EFCAB14: variants seen among roughly 807,000 people sequenced by gnomAD.
EFCAB14 encodes the protein EF-hand calcium-binding domain-containing protein 14.
A neutral mutation model predicts 56.5 loss-of-function variants in EFCAB14; 43 were observed. The observed-to-expected ratio is 0.76, with a 90% confidence interval of 0.60 to 0.98. The LOEUF (loss-of-function observed/expected upper bound fraction) is 0.98. Among genes scored for constraint, EFCAB14 ranks in the 50% least tolerant of loss-of-function variants. EFCAB14 has a pLI of 0.00. For synonymous variants in EFCAB14, 235 were observed against 212.9 expected (o/e 1.10, Z -0.90); for missense variants, 538 against 580.3 (o/e 0.93, Z 0.75).
intron 8 of EFCAB14, chr1:46,685,140 C>T (rs763291285): frequency 1.3e-5 from 2 of 152,390 alleles, no homozygotes; most frequent in African/African-American, 4.8e-5. Flanking sequence ...CAACTGGTGG[C>T]AGAAACTGTT....
chr1:46,702,986 A>G (rs1677181938), intron 3 of EFCAB14, among the ~76,000 whole-genome samples: 1 of 152,234 alleles, frequency 6.6e-6, no homozygotes, highest in African/African-American at 2.4e-5. Context: ...TTGCACATAT[A>G]GTCAATTCTC....
chr1:46,678,668 G>A lies in EFCAB14; in HGVS notation c.1313-32C>T, dbSNP rs1306808190. On this transcript the variant is annotated intron_variant, in intron 10 of 10. Transcript: ENST00000371933. Reference sequence around the variant, plus strand: ...AAAATGAATTACAAAAAATGTATACGTCTAAACATACAGCTAAATTTAGTT... The same window carrying A: ...AAAATGAATTACAAAAAATGTATACATCTAAACATACAGCTAAATTTAGTT... 3.2e-6 allele frequency: 5 copies of A among 1,568,450 alleles called. 1 individual carries two copies. In the South Asian group the frequency reaches 3.5e-5, roughly 11 times the overall value.
At chr1:46,713,265 T>G (rs150344849) in intron 2 of EFCAB14, among the ~76,000 whole-genome samples, 3 of 152,134 alleles carry the variant, frequency 2.0e-5, no homozygotes, top group African/African-American at 7.2e-5. Flanking sequence ...ATTTCTATTG[T>G]AGCGAATCAA....
At chr1:46,712,152 CTAG>C (rs1677318769) in intron 2 of EFCAB14, among the ~76,000 whole-genome samples, 1 of 152,196 alleles carries the variant, frequency 6.6e-6, no homozygotes, top group Non-Finnish European at 1.5e-5. Flanking sequence ...AGTACTTTTT[CTAG>C]TATACTTTAG....
At chr1:46,690,242 A>C (rs1676969385) in intron 5 of EFCAB14, among the ~76,000 whole-genome samples, 1 of 152,092 alleles carries the variant, frequency 6.6e-6, no homozygotes, top group South Asian at 2.1e-4. Flanking sequence ...TTCCCTTCCC[A>C]CTGCTCAAGT....
intron 2 of EFCAB14, among the ~76,000 whole-genome samples, chr1:46,713,399 A>G (rs138053682): frequency 6.6e-6 from 1 of 152,310 alleles, no homozygotes; most frequent in East Asian, 1.9e-4. Flanking sequence ...TCCAGGGTAT[A>G]ATTCTTGACA....
intron 2 of EFCAB14, among the ~76,000 whole-genome samples, chr1:46,711,622 T>G: frequency 6.6e-6 from 1 of 152,208 alleles, no homozygotes; most frequent in East Asian, 1.9e-4. Flanking sequence ...AACTTCTGAT[T>G]ACTAATTCAT....
At position 46,707,947 on chromosome 1, in the gene EFCAB14, A is replaced by G; in HGVS notation, c.439T>C (p.Leu147=). ...LEKIESGEMG[L]NKVWINITEM... ...GTGATGTTTATCCAGACTTTGTTCA[A>G]ACCCATCTCTCCAGATTCAATCTTC... Residue 147 remains leucine (L), a synonymous_variant, in exon 3 of 11, where the codon TTG becomes CTG. Coordinates refer to ENST00000371933, the MANE Select transcript of EFCAB14 (RefSeq NM_014774.3). The G allele has an allele frequency of 6.2e-7, 1 of 1,612,008 alleles. No homozygotes were observed. Among genetic ancestry groups the G allele is most frequent in the South Asian group, 1.1e-5 (1 of 91,014 alleles).
At chr1:46,686,335 T>A (rs114426018) in intron 8 of EFCAB14, among the ~76,000 whole-genome samples, 2,124 of 152,316 alleles carry the variant, frequency 0.014, 57 homozygotes, top group African/African-American at 0.048. Context: ...AGACACCATT[T>A]TTAGATTATC....
At position 46,717,947 on chromosome 1, in the gene EFCAB14, C is replaced by T; in HGVS notation, c.141G>A (p.Glu47=). 2 of 1,614,160 alleles carry T rather than the reference C, an allele frequency of 1.2e-6. No individual in the cohort carries two copies. The highest frequency in any genetic ancestry group is 1.7e-6 in the Non-Finnish European group (2 of 1,180,010). Residue 47 remains glutamate (E), a synonymous_variant, in exon 1 of 11, where the codon GAG becomes GAA. Coordinates refer to ENST00000371933, the MANE Select transcript of EFCAB14 (RefSeq NM_014774.3). ...TTCCAACCACACCGAATTCCTCTTCCTCTTCGGAGCTGGACTCAGAGTCTG... is the reference window on the plus strand; with the variant it reads ...TTCCAACCACACCGAATTCCTCTTCTTCTTCGGAGCTGGACTCAGAGTCTG... The part of the protein sequence containing the change: ...PDSDSESSSE[E]EEEFGVVGNR...
In EFCAB14 at chr1:46,678,550, T is replaced by C. The variant is rs1477094184; in HGVS notation, c.1399A>G (p.Met467Val). ...GCTCTCAAGCTCTCTGGTTCTGGCA[T>C]AGCAGAACCTAGGGAGGTCCAGATT... ...QEIWTSLGSA[M>V]PEPESLRAFD... Residue 467 changes from methionine (M) to valine (V), a missense_variant, in exon 11 of 11, where the codon ATG becomes GTG. Coordinates refer to ENST00000371933, the MANE Select transcript of EFCAB14 (RefSeq NM_014774.3). The C allele has an allele frequency of 3.7e-6, 6 of 1,614,168 alleles. No homozygotes were observed. Among genetic ancestry groups the C allele is most frequent in the South Asian group, 1.1e-5 (1 of 91,088 alleles).
chr1:46,691,887 T>C lies in EFCAB14; in HGVS notation c.630A>G (p.Glu210=). The change falls in exon 5 of 11, where the codon GAA becomes GAG. Residue 210 remains glutamate, a synonymous_variant. Coordinates refer to ENST00000371933, the MANE Select transcript of EFCAB14 (RefSeq NM_014774.3). The stretch of plus-strand genomic sequence containing the variant: ...GTTCATCCACAGTTTTCTGTAGTGC[T>C]TCCACAGCAAGATGGACGCTGTTTA... ...NTLNSVHLAV[E]ALQKTVDEHK... 6.2e-7 allele frequency: 1 copy of C among 1,613,598 alleles called. No homozygotes were observed. The highest frequency in any genetic ancestry group is 8.5e-7 in the Non-Finnish European group (1 of 1,179,718).
chr1:46,698,389 TGTG>T (rs1677106399), intron 3 of EFCAB14, among the ~76,000 whole-genome samples: 1 of 152,112 alleles, frequency 6.6e-6, no homozygotes, highest in Admixed American at 6.6e-5. Context: ...TCAGGGATCC[TGTG>T]GTGTTTACAT....
At chr1:46,714,843 A>T (rs1677363882) in intron 2 of EFCAB14, among the ~76,000 whole-genome samples, 8 of 152,044 alleles carry the variant, frequency 5.3e-5, no homozygotes, top group Admixed American at 5.2e-4. Flanking sequence ...ATGAAAAAGT[A>T]ATTTGGATGT....
rs188752881 is a variant in EFCAB14 at position 46,691,590 on chromosome 1, G to A, written c.690+237C>T. ...TCTGTCCTACCCATTCCATCCTCAGGAACTGTGTCTTATTACCTTACCTCC... is the reference window on the plus strand; with the variant it reads ...TCTGTCCTACCCATTCCATCCTCAGAAACTGTGTCTTATTACCTTACCTCC... On this transcript the variant is annotated intron_variant, in intron 5 of 10. Transcript: ENST00000371933. 9.2e-5 allele frequency among the ~76,000 whole-genome samples: 14 copies of A among 152,114 alleles called. No homozygotes were observed. In the East Asian group the frequency reaches 2.7e-3, roughly 29 times the overall value.
In EFCAB14 at chr1:46,689,722, A is replaced by G. The variant is rs1278197653; in HGVS notation, c.691-31T>C. 3 of 1,585,564 alleles carry G rather than the reference A, an allele frequency of 1.9e-6. No individual in the cohort carries two copies. In the South Asian group the frequency reaches 3.3e-5, roughly 18 times the overall value. ...AAGAGGAAAGAAGTTTAGTGTAGGC[A>G]ACAAGGAATTATTAGGTCTACTTAA... On this transcript the variant is annotated intron_variant, in intron 5 of 10. Transcript: ENST00000371933.
At chr1:46,712,657 C>T (rs1245402746) in intron 2 of EFCAB14, among the ~76,000 whole-genome samples, 2 of 152,106 alleles carry the variant, frequency 1.3e-5, no homozygotes, top group East Asian at 3.9e-4. Flanking sequence ...GTGGTCTTAT[C>T]CAAGTTCGTG....
At chr1:46,684,109 G>T in intron 9 of EFCAB14, 1 of 174,608 alleles carries the variant, frequency 5.7e-6, no homozygotes, top group Non-Finnish European at 1.2e-5. Context: ...TTTTGTTAAC[G>T]ATTTTCAGAA....
At chr1:46,695,194 C>A (rs1677060761) in intron 4 of EFCAB14, among the ~76,000 whole-genome samples, 1 of 152,162 alleles carries the variant, frequency 6.6e-6, no homozygotes, top group South Asian at 2.1e-4. Context: ...ACGTTGTGCA[C>A]ATGTACCCTA....
Sources: allele counts gnomAD v4.1 joint callset (sites outside exome capture counted in the v4.1 genomes callset), GRCh38; gene constraint gnomAD v4.1.1; transcripts MANE v1.5; gene names NCBI Gene and HGNC (gene_info 2026-07-23, HGNC 2026-07-21).